RBM6: variants seen among roughly 807,000 people sequenced by gnomAD.
The protein encoded by RBM6 is RNA-binding protein 6.
Under a neutral mutation model 140.4 loss-of-function variants are expected in RBM6, and 23 were observed. The observed-to-expected ratio is 0.16, with a 90% CI of 0.12 to 0.23. The LOEUF (loss-of-function observed/expected upper bound fraction) is 0.23. RBM6 is among the 10% of genes least tolerant of loss of function. The probability of loss-of-function intolerance (pLI) is 1.00; values close to 1 mark genes in which losing one functional copy is unlikely to be tolerated. For missense variants in RBM6, 1,139 were observed against 1,386.7 expected (o/e 0.82, Z 2.84); for synonymous variants, 439 against 475.6 (o/e 0.92, Z 1.00).
chr3:49,968,876 T>A, intron 3 of RBM6, 128 bp downstream of exon 3: 1 of 1,181,146 alleles, frequency 8.5e-7, no homozygotes, highest in Non-Finnish European at 1.1e-6. Context: ...GCCTCCTGGG[T>A]TCATGCCATT....
At chr3:50,044,827 G>A (rs1417219775) in intron 6 of RBM6, among the ~76,000 whole-genome samples, 1 of 152,084 alleles carries the variant, frequency 6.6e-6, no homozygotes, top group Non-Finnish European at 1.5e-5. Context: ...TTCTCATACA[G>A]GTTTGTCCTA....
intron 1 of RBM6, among the ~76,000 whole-genome samples, chr3:49,949,133 C>A (rs1188611136): frequency 2.0e-5 from 3 of 150,538 alleles, no homozygotes; most frequent in Admixed American, 2.0e-4. Flanking sequence ...CTGGTCATAC[C>A]CAAATATTTT....
chr3:50,066,625 C>A, intron 17 of RBM6, 123 bp downstream of exon 17: 2 of 1,239,514 alleles, frequency 1.6e-6, no homozygotes, highest in Non-Finnish European at 2.2e-6. Context: ...CTCAGAAGTA[C>A]AAGACCAGTC....
At chr3:49,941,112 A>T (rs2083265122) in intron 1 of RBM6, 1 of 152,114 alleles carries the variant, frequency 6.6e-6, no homozygotes, top group African/African-American at 2.4e-5. Context: ...CTATTGAGAA[A>T]TGCCACCAGC....
At chr3:50,031,943 C>T (rs1369869933) in intron 6 of RBM6, among the ~76,000 whole-genome samples, 6 of 152,154 alleles carry the variant, frequency 3.9e-5, no homozygotes, top group Non-Finnish European at 7.4e-5. Flanking sequence ...AAAACATCTC[C>T]TGTACTCCAT....
intron 1 of RBM6, among the ~76,000 whole-genome samples, chr3:49,953,843 A>T (rs535110245): frequency 2.9e-4 from 44 of 152,156 alleles, no homozygotes; most frequent in Non-Finnish European, 2.9e-4. Context: ...TAAAAAAAAA[A>T]TTTTGTAGGC....
chr3:49,947,481 T>C (rs1042180871), intron 1 of RBM6, among the ~76,000 whole-genome samples: 2 of 152,130 alleles, frequency 1.3e-5, no homozygotes, highest in Admixed American at 1.3e-4. Flanking sequence ...TTAGGAGTCC[T>C]TTATACACTC....
At position 49,967,556 on chromosome 3, in the gene RBM6, C is replaced by G. The variant is rs757342873; in HGVS notation, c.131C>G (p.Ser44Cys). The part of the protein sequence containing the change: ...PLKSHAQERH[S>C]GNFPGRDSLP... ...AAGAGTCATGCTCAAGAGAGACACTCTGGCAACTTTCCTGGCAGAGATTCA... is the reference window on the plus strand; with the variant it reads ...AAGAGTCATGCTCAAGAGAGACACTGTGGCAACTTTCCTGGCAGAGATTCA... Residue 44 changes from serine (S) to cysteine (C), a missense_variant, in exon 3 of 21, where the codon TCT becomes TGT. Ser to Cys is a moderately radical substitution (Grantham distance 112). Transcript: ENST00000266022. This position sits in a 1 kb window ranked among gnomAD's most constrained non-coding sequence, Gnocchi z 4.0. The G allele has an allele frequency of 6.2e-7, 1 of 1,614,032 alleles. No homozygotes were observed. Among genetic ancestry groups the G allele is most frequent in the Non-Finnish European group, 8.5e-7 (1 of 1,180,030 alleles).
At chr3:50,019,552 G>A (rs1279191759) in intron 6 of RBM6, among the ~76,000 whole-genome samples, 2 of 151,404 alleles carry the variant, frequency 1.3e-5, no homozygotes, top group Non-Finnish European at 2.9e-5. Flanking sequence ...ATAGGGTCTC[G>A]CTATGTTGCC....
chr3:50,057,743 A>C lies in RBM6; in HGVS notation c.1709A>C (p.Gln570Pro), dbSNP rs1366828816. 1 of 1,612,896 alleles carries C rather than the reference A, an allele frequency of 6.2e-7. No individual in the cohort carries two copies. The highest frequency in any genetic ancestry group is 8.5e-7 in the Non-Finnish European group (1 of 1,179,738). ...KNPREVTEAK[Q>P]ELITYPQPQK... The stretch of plus-strand genomic sequence containing the variant: ...GTTCCACTAGTGACAGAGGCCAAGC[A>C]AGAATTAATAACCTACCCTCAGCCT... The change falls in exon 9 of 21, where the codon CAA becomes CCA. Residue 570 changes from glutamine to proline, a missense_variant. Transcript: ENST00000266022.
At chr3:50,037,757 A>C (rs1225687351) in intron 6 of RBM6, among the ~76,000 whole-genome samples, 1 of 150,896 alleles carries the variant, frequency 6.6e-6, no homozygotes, top group Non-Finnish European at 1.5e-5. Context: ...TCCCACCTTG[A>C]CCTTCTAAAG....
intron 6 of RBM6, among the ~76,000 whole-genome samples, chr3:50,013,626 C>T (rs1251299941): frequency 6.6e-6 from 1 of 152,154 alleles, no homozygotes; most frequent in Admixed American, 6.6e-5. Context: ...CCAGATTTCA[C>T]CACTGCACTC....
At position 49,985,818 on chromosome 3, in the gene RBM6, G is replaced by A. The variant is rs190879314; in HGVS notation, c.1483+10426G>A. ...AGACGGGGTTTCACTGTGTTAGCCA[G>A]GATGGTCTCGATCTCCTGACCTTGT... On this transcript the variant is annotated intron_variant, in intron 5 of 20. Coordinates refer to ENST00000266022, the MANE Select transcript of RBM6 (RefSeq NM_005777.3). Among the ~76,000 whole-genome samples, 373 of 151,878 alleles carry A rather than the reference G, an allele frequency of 2.5e-3. 1 individual carries two copies. The highest frequency in any genetic ancestry group is 4.3e-3 in the Non-Finnish European group (289 of 68,000).
At chr3:49,965,513 C>CA (rs1172092597) in intron 2 of RBM6, among the ~76,000 whole-genome samples, 3 of 151,914 alleles carry the variant, frequency 2.0e-5, no homozygotes, top group African/African-American at 7.3e-5. Flanking sequence ...ACAAAAAATA[C>CA]AAAAAAATTA....
chr3:50,040,518 G>A (rs10683446), intron 6 of RBM6, among the ~76,000 whole-genome samples: 1 of 114,582 alleles, frequency 8.7e-6, no homozygotes, highest in African/African-American at 3.6e-5. Flanking sequence ...ACACACACAC[G>A]TGTGTATATA....
intron 6 of RBM6, among the ~76,000 whole-genome samples, chr3:50,025,354 T>C (rs1274348707): frequency 1.3e-5 from 2 of 151,104 alleles, no homozygotes; most frequent in African/African-American, 2.4e-5. Flanking sequence ...ACCCAGGAGG[T>C]AGAGGTTGCA....
At chr3:49,975,477 C>G in intron 5 of RBM6, 85 bp downstream of exon 5, 1 of 1,148,104 alleles carries the variant, frequency 8.7e-7, no homozygotes, top group Non-Finnish European at 1.3e-6. Context: ...AAATTTGTTT[C>G]AAGAAACCAC....
chr3:50,015,401 T>C (rs6446191), intron 6 of RBM6, among the ~76,000 whole-genome samples: 90,654 of 148,310 alleles, frequency 0.61, 28,102 homozygotes, highest in East Asian at 0.88. Flanking sequence ...CCACTGTGCC[T>C]GGCAAAATTT....
At chr3:50,050,207 T>C (rs1286227636) in intron 7 of RBM6, among the ~76,000 whole-genome samples, 4 of 152,074 alleles carry the variant, frequency 2.6e-5, no homozygotes, top group Non-Finnish European at 5.9e-5. Context: ...CCTCTTATCA[T>C]TAATCAGTAA....
Sources: allele counts gnomAD v4.1 joint callset (sites outside exome capture counted in the v4.1 genomes callset), GRCh38; gene constraint gnomAD v4.1.1; non-coding constraint Gnocchi (gnomAD v3.1); transcripts MANE v1.5; gene names NCBI Gene and HGNC (gene_info 2026-07-23, HGNC 2026-07-21).